The following RCC2 variants were observed in gnomAD, a reference collection of about 807,000 sequenced individuals.
RCC2 encodes the protein protein RCC2.
A neutral mutation model predicts 64.1 loss-of-function variants in RCC2; 19 were observed. That is an observed-to-expected ratio of 0.30 (90% CI 0.21 to 0.44). The LOEUF (loss-of-function observed/expected upper bound fraction) is 0.44. Ranked by LOEUF, RCC2 falls within the 20% of genes least tolerant of loss-of-function variation. The pLI, the probability that RCC2 is intolerant of heterozygous loss-of-function variation, is 1.00. For missense variants in RCC2, 508 were observed against 710.4 expected (o/e 0.72, Z 3.24); for synonymous variants, 325 against 279.6 (o/e 1.16, Z -1.62).
At chr1:17,413,744 G>C (rs757877033) in intron 8 of RCC2, 27 bp from the exon 9 acceptor site, 1 of 1,590,364 alleles carries the variant, frequency 6.3e-7, no homozygotes, top group African/African-American at 1.4e-5. Context: ...CACAGGGTTG[G>C]AACAAACAGA....
intron 2 of RCC2, among the ~76,000 whole-genome samples, 192 bp downstream of exon 2, chr1:17,438,038 C>T (rs1403109657): frequency 1.4e-5 from 2 of 146,762 alleles, no homozygotes; most frequent in African/African-American, 2.5e-5. Context: ...GGCCGCGGGC[C>T]GCGCGCCCCG....
rs1369428166 is a variant in RCC2, at chr1:17,407,752, C to T, written c.*1338G>A. ...AGAGACCAATATTTAACTTTCCCAT[C>T]CACCCAAGTCTCACACTTAAGTTCT... On this transcript the variant is annotated 3_prime_UTR_variant, in exon 13 of 13. Coordinates refer to ENST00000375436, the MANE Select transcript of RCC2 (RefSeq NM_018715.4). 1 of 152,604 alleles carries T rather than the reference C, an allele frequency of 6.6e-6. No homozygotes were observed. Among genetic ancestry groups the T allele is most frequent in the Non-Finnish European group, 1.5e-5 (1 of 68,034 alleles). The allele number at this position is 152,604 out of a possible 1,614,324, so 9.5% of individuals were successfully genotyped here.
Position 17,429,504 on chromosome 1 carries a change from G to A in RCC2, c.286-305C>T, listed in dbSNP as rs188668357. Among the ~76,000 whole-genome samples, 14 of 151,948 alleles carry A rather than the reference G, an allele frequency of 9.2e-5. No individual in the cohort carries two copies. In the East Asian group the frequency reaches 2.3e-3, roughly 25 times the overall value. On this transcript the variant is annotated intron_variant, in intron 2 of 12. Coordinates refer to ENST00000375436, the MANE Select transcript of RCC2 (RefSeq NM_018715.4). The stretch of plus-strand genomic sequence containing the variant: ...AAAAACCCAAATACATGCCTCCTTC[G>A]CAAACTGATGTACAGAGGTATTTGC...
chr1:17,423,008 G>A (rs730153), intron 4 of RCC2, among the ~76,000 whole-genome samples, 172 bp from the exon 5 acceptor site: 53,971 of 152,004 alleles, frequency 0.36, 9,684 homozygotes, highest in South Asian at 0.41. Flanking sequence ...CCCTCTGCCC[G>A]CTGGAATGGC....
intron 12 of RCC2, among the ~76,000 whole-genome samples, chr1:17,409,693 C>T (rs1381309564): frequency 1.3e-5 from 2 of 152,226 alleles, no homozygotes; most frequent in Admixed American, 6.5e-5. Context: ...GTGATGGAGA[C>T]GCGAGCGATG....
rs1356060505 is a variant in RCC2, at chr1:17,409,048, G to C, written c.*42C>G. 1 of 1,383,728 alleles carries C rather than the reference G, an allele frequency of 7.2e-7. No individual in the cohort carries two copies. 85.7% of individuals were successfully genotyped at this position (1,383,728 alleles called of 1,614,324 possible). ...CGTCCCAGTGCACATGGAAATGACA[G>C]CTGCCGCGAGAGGTGTGGAGTCGGA... On this transcript the variant is annotated 3_prime_UTR_variant, in exon 13 of 13. Transcript: ENST00000375436.
intron 3 of RCC2, among the ~76,000 whole-genome samples, chr1:17,426,497 A>C (rs1021933816): frequency 6.6e-6 from 1 of 152,148 alleles, no homozygotes; most frequent in South Asian, 2.1e-4. Flanking sequence ...ATCCACTGAG[A>C]AATCTCCTTC....
rs1354057972 is a variant in RCC2, at chr1:17,407,117, G to A, written c.*1973C>T. 1 of 152,234 alleles carries A rather than the reference G, an allele frequency of 6.6e-6. No individual in the cohort carries two copies. Among genetic ancestry groups the A allele is most frequent in the Non-Finnish European group, 1.5e-5 (1 of 68,052 alleles). 9.4% of individuals were successfully genotyped at this position (152,234 alleles called of 1,614,324 possible). ...TGCGGGACAAGGCAGTCTTCACTTT[G>A]AAGGTCCCTTTCCTGCTCCAGTCCC... is the stretch of plus-strand genomic sequence containing the variant. On this transcript the variant is annotated 3_prime_UTR_variant, in exon 13 of 13. Transcript: ENST00000375436.
At chr1:17,437,255 G>C (rs965220542) in intron 2 of RCC2, among the ~76,000 whole-genome samples, 3 of 152,146 alleles carry the variant, frequency 2.0e-5, no homozygotes, top group Non-Finnish European at 1.5e-5. Context: ...GGCACTTATG[G>C]AAGGAAAAAA....
rs1479700822 is a variant in RCC2, at chr1:17,407,028, ACTC to A, written c.*2059_*2061del. The A allele has an allele frequency of 1.3e-5, 2 of 151,810 alleles. No homozygotes were observed. The allele number at this position is 151,810 out of a possible 1,614,324, so 9.4% of individuals were successfully genotyped here. A position where few individuals can be genotyped will look rare whatever the true frequency, so the allele number is the denominator to read the frequency against. ...GAGTGCACGACACCCTTCCCCCACAACTCCTTGTTTTAAAGGATTTAACCCATT... is the reference window on the plus strand; with the variant it reads ...GAGTGCACGACACCCTTCCCCCACAACTTGTTTTAAAGGATTTAACCCATT... On this transcript the variant is annotated 3_prime_UTR_variant, in exon 13 of 13. Transcript: ENST00000375436.
At chr1:17,437,471 C>T (rs1387287855) in intron 2 of RCC2, among the ~76,000 whole-genome samples, 1 of 152,174 alleles carries the variant, frequency 6.6e-6, no homozygotes, top group South Asian at 2.1e-4. Flanking sequence ...TTTTCGGGAA[C>T]GTTAACTTGA....
intron 2 of RCC2, among the ~76,000 whole-genome samples, chr1:17,433,019 TA>T (rs2075699296): frequency 6.6e-6 from 1 of 152,016 alleles, no homozygotes; most frequent in African/African-American, 2.4e-5. Context: ...CACACATATA[TA>T]TACACACACA....
chr1:17,425,970 C>T (rs1255840279), intron 3 of RCC2, among the ~76,000 whole-genome samples: 1 of 152,222 alleles, frequency 6.6e-6, no homozygotes, highest in Non-Finnish European at 1.5e-5. Flanking sequence ...CTGGGTCCCA[C>T]CTCTCACAGG....
chr1:17,428,059 T>C (rs2075636819), intron 3 of RCC2, among the ~76,000 whole-genome samples: 1 of 152,220 alleles, frequency 6.6e-6, no homozygotes, highest in African/African-American at 2.4e-5. Flanking sequence ...CAGAGTTAAC[T>C]AGAGAGTGGG....
chr1:17,422,447 C>A (rs1482894938), intron 5 of RCC2, among the ~76,000 whole-genome samples, 156 bp from the exon 6 acceptor site: 1 of 152,216 alleles, frequency 6.6e-6, no homozygotes, highest in Admixed American at 6.5e-5. Flanking sequence ...CGCTTCACAG[C>A]AAAGCCATTT....
chr1:17,409,889 C>A, intron 12 of RCC2, 85 bp downstream of exon 12: 1 of 1,198,784 alleles, frequency 8.3e-7, no homozygotes, highest in Non-Finnish European at 1.2e-6. Flanking sequence ...ACAACCCAAA[C>A]AGACTGCGAT....
At chr1:17,420,860 T>C (rs776166818) in intron 6 of RCC2, 32 bp from the exon 7 acceptor site, 14 of 1,391,094 alleles carry the variant, frequency 1.0e-5, no homozygotes, top group Middle Eastern at 1.8e-4. Flanking sequence ...CTTTCATTTT[T>C]TTTAAAGACT....
At chr1:17,427,405 A>C (rs2075628546) in intron 3 of RCC2, among the ~76,000 whole-genome samples, 1 of 152,212 alleles carries the variant, frequency 6.6e-6, no homozygotes, top group Admixed American at 6.5e-5. Flanking sequence ...AGGAAGAGGA[A>C]CATCAACAAT....
At position 17,413,078 on chromosome 1, in the gene RCC2, A is replaced by G; in HGVS notation, c.1308T>C (p.Ala436=). 1.2e-6 allele frequency: 2 copies of G among 1,612,256 alleles called. No individual in the cohort carries two copies. Among genetic ancestry groups the G allele is most frequent in the Non-Finnish European group, 8.5e-7 (1 of 1,178,794 alleles). Residue 436 remains alanine, a synonymous_variant, in exon 10 of 13, where the codon GCT becomes GCC. Coordinates refer to ENST00000375436, the MANE Select transcript of RCC2 (RefSeq NM_018715.4). The part of the protein sequence containing the change: ...DLCGWRIRSL[A]CGKSSIIVAA... Reference sequence around the variant, plus strand: ...CAGGAGATGCTGCCACCTACCCACAAGCCAGGCTCCGGATTCTCCAGCCGC... The same window carrying G: ...CAGGAGATGCTGCCACCTACCCACAGGCCAGGCTCCGGATTCTCCAGCCGC...
Sources: allele counts gnomAD v4.1 joint callset (sites outside exome capture counted in the v4.1 genomes callset), GRCh38; gene constraint gnomAD v4.1.1; transcripts MANE v1.5; gene names NCBI Gene and HGNC (gene_info 2026-07-23, HGNC 2026-07-21).